The following TCF12 variants were observed in gnomAD, a reference collection of about 807,000 sequenced individuals.
The protein encoded by TCF12 is DNA-binding protein HTF4.
TCF12 carries 45 observed loss-of-function variants against 86.0 expected under a neutral mutation model. The observed-to-expected ratio is 0.52, with a 90% CI of 0.41 to 0.67. The LOEUF is 0.67. TCF12 is among the 30% of genes least tolerant of loss of function. The pLI is 0.00. For missense variants in TCF12, 881 were observed against 859.9 expected (o/e 1.02, Z -0.31); for synonymous variants, 330 against 299.6 (o/e 1.10, Z -1.05).
At position 57,286,849 on chromosome 15, in the gene TCF12, A is replaced by G; in HGVS notation, c.*704A>G. The G allele has an allele frequency of 5.4e-6, 2 of 369,558 alleles. No homozygotes were observed. Among genetic ancestry groups the G allele is most frequent in the South Asian group, 4.1e-5 (2 of 48,214 alleles). The allele number at this position is 369,558 out of a possible 1,614,324, so 22.9% of individuals were successfully genotyped here. A position where few individuals can be genotyped will look rare whatever the true frequency, so the allele number is the denominator to read the frequency against. ...TGTTATATTTGATCTCTAAATCTGA[A>G]CAGTTTATGGTCACAGTCCAGCCTC... On this transcript the variant is annotated 3_prime_UTR_variant, in exon 21 of 21. Transcript: ENST00000333725.
chr15:57,256,383 A>G (rs2060346591), intron 16 of TCF12, among the ~76,000 whole-genome samples: 1 of 152,098 alleles, frequency 6.6e-6, no homozygotes, highest in African/African-American at 2.4e-5. Context: ...AACTCTTCAT[A>G]TTCTTTCAGA....
chr15:57,141,869 T>C (rs1442111160), intron 5 of TCF12, among the ~76,000 whole-genome samples: 1 of 152,086 alleles, frequency 6.6e-6, no homozygotes, highest in African/African-American at 2.4e-5. Context: ...GAAGATTAGC[T>C]AGATTATGGA....
chr15:56,933,896 T>C (rs1292699715), intron 3 of TCF12, among the ~76,000 whole-genome samples: 1 of 151,776 alleles, frequency 6.6e-6, no homozygotes, highest in Non-Finnish European at 1.5e-5. Flanking sequence ...AATTTACATA[T>C]TATTTTACAT....
Position 57,072,728 on chromosome 15 carries a change from A to C in TCF12, c.222+8905A>C, listed in dbSNP as rs762228580. 7.7e-6 allele frequency: 10 copies of C among 1,295,206 alleles called. No homozygotes were observed. The Admixed American group carries it at 1.2e-4, about 16-fold the overall frequency. 80.2% of individuals were successfully genotyped at this position (1,295,206 alleles called of 1,614,324 possible). A position where few individuals can be genotyped will look rare whatever the true frequency, so the allele number is the denominator to read the frequency against. On this transcript the variant is annotated intron_variant, in intron 4 of 20. Transcript: ENST00000333725. ...CAGAGAATTAAAGTAAGTGTTTTCT[A>C]TATATTGCATCTGTGTTCCCATTAA... is the stretch of plus-strand genomic sequence containing the variant.
upstream of TCF12, chr15:56,918,233 G>A: frequency 2.2e-6 from 1 of 456,290 alleles, no homozygotes; most frequent in Non-Finnish European, 4.4e-6. Context: ...TCAGTGTCCT[G>A]CGGCCTCGGG....
intron 3 of TCF12, among the ~76,000 whole-genome samples, chr15:56,921,522 T>A (rs1178133784): frequency 6.6e-6 from 1 of 152,076 alleles, no homozygotes; most frequent in Admixed American, 6.5e-5. Context: ...AAACATCCCA[T>A]TTTTCTTAAG....
At chr15:57,285,893 G>A (rs564060185) in intron 20 of TCF12, among the ~76,000 whole-genome samples, 12 of 152,244 alleles carry the variant, frequency 7.9e-5, no homozygotes, top group Admixed American at 3.9e-4. Context: ...ATGCCACTGC[G>A]CTCCAGCGAG....
At chr15:56,975,003 G>A (rs1479358240) in intron 3 of TCF12, among the ~76,000 whole-genome samples, 3 of 152,024 alleles carry the variant, frequency 2.0e-5, no homozygotes, top group African/African-American at 7.2e-5. Context: ...TCGAATAGTG[G>A]ACCTCCTTAA....
In TCF12 at chr15:57,166,465, A is replaced by G; in HGVS notation, c.389A>G (p.Gln130Arg). ...AGAGATACTGGATTACCAGGCTGTC[A>G]AGTAAGTTTAATGATTAAAAAAAGC... ...YSRDTGLPGC[Q>R]SSLLRQDLGL... Residue 130 changes from glutamine to arginine, a missense_variant and splice_region_variant, in exon 6 of 21, where the codon CAA becomes CGA. Physicochemically the swap from Gln to Arg is conservative, Grantham distance 43. Around this residue, in one of 3 missense-constraint regions of TCF12, gnomAD observed 766 missense variants for 718.9 expected, o/e 1.07. Transcript: ENST00000333725. The G allele has an allele frequency of 6.2e-7, 1 of 1,611,902 alleles. No homozygotes were observed. Among genetic ancestry groups the G allele is most frequent in the East Asian group, 2.2e-5 (1 of 44,752 alleles).
intron 3 of TCF12, among the ~76,000 whole-genome samples, chr15:57,011,994 C>T (rs1404663013): frequency 6.6e-6 from 1 of 152,088 alleles, no homozygotes; most frequent in Non-Finnish European, 1.5e-5. Flanking sequence ...GGAAATGATA[C>T]TTTTACTGAT....
rs571335795 is a variant in TCF12, at chr15:56,959,991, A to G, written c.148+38893A>G. ...GTAAACTTAGGTTGGTGCAAAAGTA[A>G]TTGCAGTTTTTGCCTTTTTTAGTTA... is the stretch of plus-strand genomic sequence containing the variant. On this transcript the variant is annotated intron_variant, in intron 3 of 20. Coordinates refer to ENST00000333725, the MANE Select transcript of TCF12 (RefSeq NM_207037.2). 2.6e-5 allele frequency among the ~76,000 whole-genome samples: 4 copies of G among 152,296 alleles called. No homozygotes were observed. In the East Asian group the frequency reaches 7.7e-4, roughly 29 times the overall value.
chr15:57,222,510 C>CA (rs1192952651), intron 8 of TCF12, among the ~76,000 whole-genome samples: 1 of 151,730 alleles, frequency 6.6e-6, no homozygotes, highest in African/African-American at 2.4e-5. Flanking sequence ...TATTCTTTAT[C>CA]ATGTTGTAAG....
At chr15:57,186,496 C>T (rs1205465960) in intron 6 of TCF12, among the ~76,000 whole-genome samples, 5 of 151,754 alleles carry the variant, frequency 3.3e-5, no homozygotes, top group East Asian at 1.9e-4. Context: ...GAGACCGTCT[C>T]GAAGAAAAAA....
intron 3 of TCF12, among the ~76,000 whole-genome samples, chr15:56,965,885 A>G (rs116011749): frequency 0.012 from 1,765 of 152,288 alleles, 32 homozygotes; most frequent in African/African-American, 0.04. Flanking sequence ...AGTTATATTT[A>G]TGTGAATTTT....
chr15:57,123,436 T>G (rs1596650559), intron 5 of TCF12, among the ~76,000 whole-genome samples: 1 of 152,314 alleles, frequency 6.6e-6, no homozygotes, highest in East Asian at 1.9e-4. Flanking sequence ...TTTAAAGTAT[T>G]TTGTTTGAAA....
At chr15:57,179,301 A>G (rs1358479066) in intron 6 of TCF12, among the ~76,000 whole-genome samples, 8 of 152,202 alleles carry the variant, frequency 5.3e-5, no homozygotes, top group East Asian at 3.9e-4. Context: ...CCTGGCCAGC[A>G]TAGTGAAACC....
At chr15:57,028,532 C>A (rs1490132908) in intron 3 of TCF12, among the ~76,000 whole-genome samples, 2 of 152,124 alleles carry the variant, frequency 1.3e-5, no homozygotes, top group African/African-American at 4.8e-5. Context: ...GTTTTTAAAT[C>A]AAGTTGCCAG....
rs146393777 is a variant in TCF12 at position 57,229,477 on chromosome 15, A to G, written c.580-1675A>G. On this transcript the variant is annotated intron_variant, in intron 8 of 20. Transcript: ENST00000333725. The stretch of plus-strand genomic sequence containing the variant: ...TTTTTACCTCTGGGATGTGAAAGGT[A>G]GGAAACAAACCTGAATGCCAGTCCA... Among the ~76,000 whole-genome samples, 497 of 148,136 alleles carry G rather than the reference A, an allele frequency of 3.4e-3. 2 individuals carry two copies. The highest frequency in any genetic ancestry group is 0.012 in the African/African-American group (482 of 40,792).
intron 5 of TCF12, among the ~76,000 whole-genome samples, chr15:57,105,097 C>T (rs1436709599): frequency 6.6e-6 from 1 of 151,812 alleles, no homozygotes; most frequent in Admixed American, 6.6e-5. Context: ...TGGCTTTGAA[C>T]TCCTGACCTC....
Sources: gnomAD v4.1 joint callset for allele counts (sites outside exome capture counted in the v4.1 genomes callset) on GRCh38, gnomAD v4.1.1 for gene constraint, gnomAD v4.1.1 regional missense constraint, MANE v1.5 for transcripts, NCBI Gene and HGNC (gene_info 2026-07-23, HGNC 2026-07-21) for gene names.